Variants in SH3BP5 observed in about 807,000 individuals in gnomAD.
The protein encoded by SH3BP5 is SH3 domain-binding protein 5.
In SH3BP5, 22 loss-of-function variants were observed where a neutral mutation model predicts 43.3. The ratio of observed to expected loss-of-function variants is 0.51; its 90% CI spans 0.36 to 0.73. The LOEUF (loss-of-function observed/expected upper bound fraction) is 0.73, where lower values mean the gene tolerates loss of function less well. SH3BP5 is among the 30% of genes least tolerant of loss of function. The pLI is 0.00. For missense variants in SH3BP5, 529 were observed against 586.9 expected (o/e 0.90, Z 1.02); for synonymous variants, 255 against 225.8 (o/e 1.13, Z -1.16).
intron 3 of SH3BP5, among the ~76,000 whole-genome samples, chr3:15,272,273 G>C (rs528738536): frequency 1.3e-5 from 2 of 152,176 alleles, no homozygotes; most frequent in South Asian, 2.1e-4. Flanking sequence ...CCCTCCAGGC[G>C]ACGATGACAA....
intron 3 of SH3BP5, among the ~76,000 whole-genome samples, chr3:15,270,714 T>A (rs1024528064): frequency 1.1e-4 from 17 of 151,920 alleles, no homozygotes; most frequent in Non-Finnish European, 2.4e-4. Context: ...TCACTTGAGG[T>A]CAGGAATTAA....
intron 3 of SH3BP5, among the ~76,000 whole-genome samples, chr3:15,292,708 C>T (rs538981827): frequency 1.3e-5 from 2 of 152,220 alleles, no homozygotes; most frequent in South Asian, 2.1e-4. Context: ...ATTAGCTGGG[C>T]GTGGTGGCGC....
chr3:15,299,375 C>T (rs1459191864), intron 3 of SH3BP5, among the ~76,000 whole-genome samples: 1 of 151,388 alleles, frequency 6.6e-6, no homozygotes, highest in Non-Finnish European at 1.5e-5. Context: ...TTCAAGATCA[C>T]AGAACTGGAT....
At chr3:15,289,740 T>C (rs911861868) in intron 3 of SH3BP5, among the ~76,000 whole-genome samples, 1 of 152,220 alleles carries the variant, frequency 6.6e-6, no homozygotes, top group African/African-American at 2.4e-5. Flanking sequence ...GATATGGGGC[T>C]AGGCAGAAGA....
chr3:15,296,862 TAAAAAA>T (rs869130338), intron 3 of SH3BP5, among the ~76,000 whole-genome samples: 1 of 123,160 alleles, frequency 8.1e-6, no homozygotes, highest in African/African-American at 3.1e-5. Flanking sequence ...TCTGGCTTCT[TAAAAAA>T]AAAAAAAAAA....
intron 7 of SH3BP5, chr3:15,258,573 T>TTCAA: frequency 1.9e-6 from 1 of 519,550 alleles, no homozygotes; most frequent in Non-Finnish European, 3.4e-6. Flanking sequence ...TGTTCAAATG[T>TTCAA]ATACTTTGAC....
At chr3:15,313,218 C>T (rs755153209) in intron 2 of SH3BP5, among the ~76,000 whole-genome samples, 7 of 152,208 alleles carry the variant, frequency 4.6e-5, no homozygotes, top group Non-Finnish European at 7.3e-5. Flanking sequence ...CGAGATCATG[C>T]CATTGCACTC....
intron 3 of SH3BP5, among the ~76,000 whole-genome samples, chr3:15,272,717 TAGGAGATTC>T (rs1468407994): frequency 1.1e-3 from 171 of 151,846 alleles, no homozygotes; most frequent in African/African-American, 4.0e-3. Context: ...AGAGTGCCTG[TAGGAGATTC>T]GATGATACCT....
chr3:15,316,056 G>A (rs921608786), intron 2 of SH3BP5, among the ~76,000 whole-genome samples: 1 of 151,902 alleles, frequency 6.6e-6, no homozygotes, highest in East Asian at 1.9e-4. Flanking sequence ...TATAATAAAG[G>A]GCAAAAATGG....
chr3:15,287,762 A>G (rs538178839), intron 3 of SH3BP5, among the ~76,000 whole-genome samples: 2 of 152,344 alleles, frequency 1.3e-5, no homozygotes, highest in Admixed American at 1.3e-4. Context: ...AGAAATCATG[A>G]GTAGAACACC....
intron 2 of SH3BP5, among the ~76,000 whole-genome samples, chr3:15,327,220 T>C (rs746398312): frequency 2.7e-4 from 41 of 151,392 alleles, no homozygotes; most frequent in Non-Finnish European, 4.3e-4. Context: ...GCCAACATGG[T>C]GAAACCCCAT....
At chr3:15,265,561 A>ACACACACACACACACAC (rs1553613901) in intron 4 of SH3BP5, among the ~76,000 whole-genome samples, 39 of 44,494 alleles carry the variant, frequency 8.8e-4, no homozygotes, top group African/African-American at 2.9e-3. Context: ...CACACACACA[A>ACACACACACACACACAC]CCCTCCAGCT....
upstream of SH3BP5, among the ~76,000 whole-genome samples, chr3:15,337,300 G>T (rs372471210): frequency 3.3e-5 from 5 of 151,810 alleles, no homozygotes; most frequent in Non-Finnish European, 7.4e-5. Flanking sequence ...GGCCAGGCTG[G>T]TCTTGAACTC....
intron 4 of SH3BP5, among the ~76,000 whole-genome samples, chr3:15,266,206 C>T (rs1343832850): frequency 6.6e-6 from 1 of 152,228 alleles, no homozygotes; most frequent in African/African-American, 2.4e-5. Flanking sequence ...CTGATTCTTA[C>T]TGCGTCCTTG....
At chr3:15,261,670 T>C (rs1696443249) in intron 5 of SH3BP5, among the ~76,000 whole-genome samples, 1 of 148,282 alleles carries the variant, frequency 6.7e-6, no homozygotes, top group Non-Finnish European at 1.5e-5. Context: ...TGTATAAAAA[T>C]ATACAGGGCT....
chr3:15,259,664 A>T (rs755567261), intron 6 of SH3BP5, 97 bp downstream of exon 6: 9 of 1,114,376 alleles, frequency 8.1e-6, no homozygotes, highest in African/African-American at 1.5e-5. Flanking sequence ...CTTTCCCCTT[A>T]TAGCAAGTGG....
At position 15,260,188 on chromosome 3, in the gene SH3BP5, G is replaced by C. The variant is rs111690480; in HGVS notation, c.627-385C>G. 1.1e-4 allele frequency: 26 copies of C among 239,846 alleles called. 1 individual carries two copies. Among genetic ancestry groups the C allele is most frequent in the African/African-American group, 5.6e-4 (24 of 42,968 alleles). The allele number at this position is 239,846 out of a possible 1,614,324, so 14.9% of individuals were successfully genotyped here. A position where few individuals can be genotyped will look rare whatever the true frequency, so the allele number is the denominator to read the frequency against. ...CTCCTAATGAAGTTGGCTCCCCAGG[G>C]ATGAAGAGCAGCTGAGGCTGGAGAA... is the stretch of plus-strand genomic sequence containing the variant. On this transcript the variant is annotated intron_variant, in intron 5 of 8. Transcript: ENST00000383791.
At chr3:15,314,435 G>C (rs1333260038) in intron 2 of SH3BP5, among the ~76,000 whole-genome samples, 1 of 152,116 alleles carries the variant, frequency 6.6e-6, no homozygotes, top group African/African-American at 2.4e-5. Flanking sequence ...AGCCCTGAGG[G>C]CCAGAGCAAG....
chr3:15,330,455 G>T (rs778388588), intron 2 of SH3BP5, 49 bp downstream of exon 2: 2 of 1,469,336 alleles, frequency 1.4e-6, no homozygotes, highest in Admixed American at 1.7e-5. Context: ...GCCTTGTGCC[G>T]GTGTGAGTGA....
Sources: gnomAD v4.1 joint callset for allele counts (sites outside exome capture counted in the v4.1 genomes callset) on GRCh38, gnomAD v4.1.1 for gene constraint, MANE v1.5 for transcripts, NCBI Gene and HGNC (gene_info 2026-07-23, HGNC 2026-07-21) for gene names.